Variants in SH3BGRL observed in about 807,000 individuals in gnomAD.
The protein encoded by SH3BGRL is SH3 domain binding glutamate rich protein like.
SH3BGRL carries 7 observed loss-of-function variants against 9.8 expected under a neutral mutation model. The ratio of observed to expected loss-of-function variants is 0.72; its 90% CI spans 0.41 to 1.35. SH3BGRL has a LOEUF of 1.35. Among genes scored for constraint, SH3BGRL ranks in the 40% most tolerant of loss-of-function variants. The pLI is 0.01. For synonymous variants in SH3BGRL, 36 were observed against 29.1 expected (o/e 1.24, Z -0.76); for missense variants, 73 against 84.4 (o/e 0.86, Z 0.53).
intron 3 of SH3BGRL, among the ~76,000 whole-genome samples, chrX:81,294,591 C>T (rs761385263): frequency 1.1e-3 from 122 of 110,929 alleles, no homozygotes; most frequent in Non-Finnish European, 2.1e-3. Context: ...CATGGAGAAC[C>T]TCTGCTAGGG....
chrX:81,222,009 A>G (rs913882239), intron 1 of SH3BGRL, among the ~76,000 whole-genome samples: 1 of 111,734 alleles, frequency 8.9e-6, no homozygotes, highest in South Asian at 3.7e-4. Context: ...TTGTCCCAGA[A>G]ATATTATTAT....
rs886485376 is a variant in SH3BGRL, at chrX:81,209,734, C to T, written c.45+7489C>T. ...GGCAAATGTGTTCTCATTCATAACC[C>T]GTACTCGAGAGTGAGATGAGAGTTG... On this transcript the variant is annotated intron_variant, in intron 1 of 3. Coordinates refer to ENST00000373212, the MANE Select transcript of SH3BGRL (RefSeq NM_003022.3). 1.2e-4 allele frequency among the ~76,000 whole-genome samples: 13 copies of T among 111,994 alleles called. No homozygotes were observed. The East Asian group carries it at 1.4e-3, about 12-fold the overall frequency.
At chrX:81,284,412 A>G (rs937921438) in intron 3 of SH3BGRL, among the ~76,000 whole-genome samples, 3 of 110,798 alleles carry the variant, frequency 2.7e-5, no homozygotes, top group Non-Finnish European at 5.7e-5. Flanking sequence ...CCAAAAAAAA[A>G]AAAAGTTACA....
intron 1 of SH3BGRL, among the ~76,000 whole-genome samples, chrX:81,228,127 A>G (rs1177403760): frequency 1.8e-5 from 2 of 112,185 alleles, no homozygotes; most frequent in Admixed American, 1.9e-4. Flanking sequence ...AATATTTATG[A>G]AGAGGTTTAT....
rs184866498 is a variant in SH3BGRL at position 81,272,525 on chromosome X, G to A, written c.46-4459G>A. Among the ~76,000 whole-genome samples, 918 of 97,263 alleles carry A rather than the reference G, an allele frequency of 9.4e-3. 3 individuals carry two copies. The highest frequency in any genetic ancestry group is 0.015 in the Non-Finnish European group (753 of 48,983). 84.5% of individuals were successfully genotyped at this position (97,263 alleles called of 115,157 possible). On this transcript the variant is annotated intron_variant, in intron 1 of 3. Coordinates refer to ENST00000373212, the MANE Select transcript of SH3BGRL (RefSeq NM_003022.3). ...TTCTTTTTTTTTTTTTTTTGAGACAGAGTCTCGTTCTGCCGCCCAGGCTGG... is the reference window on the plus strand; with the variant it reads ...TTCTTTTTTTTTTTTTTTTGAGACAAAGTCTCGTTCTGCCGCCCAGGCTGG...
intron 1 of SH3BGRL, among the ~76,000 whole-genome samples, chrX:81,266,002 G>A (rs546609750): frequency 2.7e-5 from 3 of 112,324 alleles, no homozygotes; most frequent in Admixed American, 1.9e-4. Flanking sequence ...CTTCTTTTGA[G>A]ATGTGTCTGT....
chrX:81,268,168 C>A (rs2075764258), intron 1 of SH3BGRL, among the ~76,000 whole-genome samples: 1 of 110,762 alleles, frequency 9.0e-6, no homozygotes, highest in Admixed American at 9.6e-5. Context: ...AAAACCAGCT[C>A]CTGGATCCAC....
intron 3 of SH3BGRL, 50 bp from the exon 4 acceptor site, chrX:81,297,145 T>A (rs2075877941): frequency 9.1e-7 from 1 of 1,102,955 alleles, no homozygotes; most frequent in Admixed American, 2.2e-5. Context: ...CACATGGGTG[T>A]CTGCTCTGTG....
intron 1 of SH3BGRL, among the ~76,000 whole-genome samples, chrX:81,257,528 T>A (rs771443135): frequency 1.3e-4 from 15 of 112,100 alleles, no homozygotes; most frequent in Admixed American, 6.6e-4. Flanking sequence ...ATGGCTCCAC[T>A]ATGGCAGAAT....
At chrX:81,250,458 A>G (rs1305199179) in intron 1 of SH3BGRL, among the ~76,000 whole-genome samples, 1 of 111,430 alleles carries the variant, frequency 9.0e-6, no homozygotes, top group Non-Finnish European at 1.9e-5. Flanking sequence ...AGTCTTAGCT[A>G]TAATGATAGG....
intron 1 of SH3BGRL, among the ~76,000 whole-genome samples, chrX:81,245,706 C>T (rs762833640): frequency 4.5e-5 from 5 of 111,555 alleles, no homozygotes; most frequent in Non-Finnish European, 9.4e-5. Flanking sequence ...TGTCTGTTAC[C>T]ATTTTATGGT....
intron 1 of SH3BGRL, among the ~76,000 whole-genome samples, chrX:81,268,155 CA>C (rs2147705489): frequency 9.0e-6 from 1 of 110,537 alleles, no homozygotes; most frequent in East Asian, 2.8e-4. Context: ...TTGATTGTTT[CA>C]AAAAACCAGC....
chrX:81,277,106 T>C lies in SH3BGRL; in HGVS notation c.168T>C (p.Asn56=). Residue 56 remains asparagine (N), a synonymous_variant, in exon 2 of 4, where the codon AAT becomes AAC. Coordinates refer to ENST00000373212, the MANE Select transcript of SH3BGRL (RefSeq NM_003022.3). ...GGATGAGAGAAAATGTACCTGAAAATAGTCGACCAGCCACAGGTTACCCCC... is the reference window on the plus strand; with the variant it reads ...GGATGAGAGAAAATGTACCTGAAAACAGTCGACCAGCCACAGGTTACCCCC... The part of the protein sequence containing the change: ...RKWMRENVPE[N]SRPATGYPLP... 1 of 1,208,334 alleles carries C rather than the reference T, an allele frequency of 8.3e-7. No individual in the cohort carries two copies. The highest frequency in any genetic ancestry group is 1.8e-5 in the South Asian group (1 of 56,160).
chrX:81,231,256 G>A (rs1345265964), intron 1 of SH3BGRL, among the ~76,000 whole-genome samples: 1 of 112,420 alleles, frequency 8.9e-6, no homozygotes, highest in African/African-American at 3.2e-5. Flanking sequence ...TAAAAAGATG[G>A]ACTTACAGAT....
intron 1 of SH3BGRL, among the ~76,000 whole-genome samples, chrX:81,242,737 A>G (rs962759939): frequency 8.9e-6 from 1 of 111,911 alleles, no homozygotes; most frequent in Admixed American, 9.5e-5. Flanking sequence ...AAAAAAACTT[A>G]TAATCCAATC....
intron 1 of SH3BGRL, among the ~76,000 whole-genome samples, chrX:81,264,293 A>G (rs1018027843): frequency 9.0e-5 from 10 of 110,674 alleles, no homozygotes; most frequent in African/African-American, 3.0e-4. Context: ...CAAAACAAAA[A>G]CAAGGCTTTG....
At chrX:81,296,009 CT>C (rs2147726073) in intron 3 of SH3BGRL, among the ~76,000 whole-genome samples, 1 of 111,478 alleles carries the variant, frequency 9.0e-6, no homozygotes, top group East Asian at 2.8e-4. Flanking sequence ...CTATAAAGAA[CT>C]TTTTGAGATT....
At chrX:81,231,902 T>C (rs916836567) in intron 1 of SH3BGRL, among the ~76,000 whole-genome samples, 2 of 112,012 alleles carry the variant, frequency 1.8e-5, no homozygotes, top group African/African-American at 6.5e-5. Context: ...ACGTAGTAGA[T>C]GCTGAATATA....
At chrX:81,228,258 A>G (rs1196145582) in intron 1 of SH3BGRL, among the ~76,000 whole-genome samples, 1 of 111,938 alleles carries the variant, frequency 8.9e-6, no homozygotes, top group African/African-American at 3.2e-5. Context: ...TAGACATAAG[A>G]CACCAGTTAA....
Sources: gnomAD v4.1 joint callset for allele counts (sites outside exome capture counted in the v4.1 genomes callset) on GRCh38, gnomAD v4.1.1 for gene constraint, MANE v1.5 for transcripts, NCBI Gene and HGNC (gene_info 2026-07-23, HGNC 2026-07-21) for gene names.